The following LSAMP variants were observed in gnomAD, a reference collection of about 807,000 sequenced individuals.
LSAMP encodes the protein limbic system-associated membrane protein.
LSAMP carries 7 observed loss-of-function variants against 38.6 expected under a neutral mutation model. The ratio of observed to expected loss-of-function variants is 0.18; its 90% CI spans 0.10 to 0.34. The LOEUF (loss-of-function observed/expected upper bound fraction) is 0.34, where lower values mean the gene tolerates loss of function less well. Among genes scored for constraint, LSAMP ranks in the 10% least tolerant of loss-of-function variants. The pLI, the probability that LSAMP is intolerant of heterozygous loss-of-function variation, is 1.00. For missense variants in LSAMP, 313 were observed against 420.0 expected, an observed-to-expected ratio of 0.75 and a Z score of 2.23; for synonymous variants, 154 against 166.8, an observed-to-expected ratio of 0.92 and a Z score of 0.59.
chr3:116,369,327 G>A (rs1311796698), intron 1 of LSAMP, among the ~76,000 whole-genome samples: 1 of 152,176 alleles, frequency 6.6e-6, no homozygotes, highest in Non-Finnish European at 1.5e-5. Context: ...GAGAAAAAAT[G>A]TTATTTACAA....
chr3:115,972,414 G>T (rs9810860), intron 3 of LSAMP, among the ~76,000 whole-genome samples: 3,176 of 151,924 alleles, frequency 0.021, 93 homozygotes, highest in African/African-American at 0.07. Flanking sequence ...TAAGAAAAAA[G>T]ACATTTTTAT....
intron 1 of LSAMP, among the ~76,000 whole-genome samples, chr3:116,166,963 T>C (rs1011698613): frequency 3.3e-5 from 5 of 151,912 alleles, no homozygotes; most frequent in African/African-American, 1.2e-4. Context: ...GCTAATTTTT[T>C]TGTATTTTTA....
Position 115,842,499 on chromosome 3 carries a change from T to C in LSAMP, c.729A>G (p.Ala243=). 6.2e-7 allele frequency: 1 copy of C among 1,614,004 alleles called. No individual in the cohort carries two copies. Among genetic ancestry groups the C allele is most frequent in the Non-Finnish European group, 8.5e-7 (1 of 1,179,886 alleles). The change falls in exon 5 of 7, where the codon GCA becomes GCG. Residue 243 remains alanine, a synonymous_variant. Coordinates refer to ENST00000490035, the MANE Select transcript of LSAMP (RefSeq NM_002338.5). ...RQASLKCEAS[A]VPAPDFEWYR... ...ACCACTCAAAGTCAGGTGCAGGCACTGCCGAGGCCTCACATTTGAGTGAAG... is the reference window on the plus strand; with the variant it reads ...ACCACTCAAAGTCAGGTGCAGGCACCGCCGAGGCCTCACATTTGAGTGAAG...
intron 2 of LSAMP, among the ~76,000 whole-genome samples, chr3:116,079,188 A>G (rs775451663): frequency 2.0e-5 from 3 of 152,134 alleles, no homozygotes; most frequent in African/African-American, 4.8e-5. Context: ...ATTCTCTTCA[A>G]TGTAGCCAAG....
chr3:116,181,493 CTA>C (rs1710483837), intron 1 of LSAMP, among the ~76,000 whole-genome samples: 1 of 152,006 alleles, frequency 6.6e-6, no homozygotes, highest in African/African-American at 2.4e-5. Flanking sequence ...AAGTTTATGT[CTA>C]TAATGACTTA....
intron 3 of LSAMP, among the ~76,000 whole-genome samples, chr3:115,969,286 T>G (rs1413373086): frequency 6.6e-6 from 1 of 152,218 alleles, no homozygotes; most frequent in Non-Finnish European, 1.5e-5. Context: ...CATGTATGTT[T>G]AAGTATTCTT....
At chr3:115,892,828 T>A in intron 3 of LSAMP, among the ~76,000 whole-genome samples, 1 of 148,368 alleles carries the variant, frequency 6.7e-6, no homozygotes, top group East Asian at 2.0e-4. Context: ...TATACATCAA[T>A]TATATTATAT....
intron 1 of LSAMP, among the ~76,000 whole-genome samples, chr3:116,322,426 A>AT (rs1429449340): frequency 1.3e-5 from 2 of 152,278 alleles, no homozygotes; most frequent in East Asian, 1.9e-4. Context: ...TTAAAAATAG[A>AT]TTTTTTGGTT....
At chr3:116,373,400 G>A (rs1369619142) in intron 1 of LSAMP, among the ~76,000 whole-genome samples, 4 of 151,642 alleles carry the variant, frequency 2.6e-5, no homozygotes, top group African/African-American at 7.3e-5. Flanking sequence ...CGGAAAGTAG[G>A]ATGGTGGCTT....
At chr3:116,131,110 C>T (rs1419354626) in intron 1 of LSAMP, among the ~76,000 whole-genome samples, 1 of 151,718 alleles carries the variant, frequency 6.6e-6, no homozygotes, top group Non-Finnish European at 1.5e-5. Flanking sequence ...CCTGCCTCAG[C>T]CTCCCAAGTA....
At chr3:116,050,706 T>A (rs910595252) in intron 2 of LSAMP, among the ~76,000 whole-genome samples, 3 of 152,148 alleles carry the variant, frequency 2.0e-5, no homozygotes, top group African/African-American at 7.2e-5. Flanking sequence ...AAATAAAAGG[T>A]TTGGAGTCAG....
chr3:116,280,766 G>A (rs534317723), intron 1 of LSAMP, among the ~76,000 whole-genome samples: 2 of 152,316 alleles, frequency 1.3e-5, no homozygotes, highest in Admixed American at 6.5e-5. Flanking sequence ...ATGATTCTCA[G>A]TTTGTTCTTC....
chr3:116,382,403 G>A (rs2048571516), intron 1 of LSAMP, among the ~76,000 whole-genome samples: 1 of 148,076 alleles, frequency 6.8e-6, no homozygotes, highest in South Asian at 2.1e-4. Context: ...CTATCGCAAG[G>A]ACAAAAAACC....
At position 116,096,933 on chromosome 3, in the gene LSAMP, G is replaced by A. The variant is rs140129529; in HGVS notation, c.156-10377C>T. ...AACTAGAAATTCTCCTCTTTCCTCC[G>A]TATACAGTTGAGAGAGGATGAGAAA... On this transcript the variant is annotated intron_variant, in intron 1 of 6. Transcript: ENST00000490035. Among the ~76,000 whole-genome samples the A allele has an allele frequency of 2.1e-3, 312 of 152,172 alleles. 2 individuals are homozygous for A. The highest frequency in any genetic ancestry group is 6.9e-3 in the African/African-American group (288 of 41,518).
chr3:116,302,735 G>A (rs2047427376), intron 1 of LSAMP, among the ~76,000 whole-genome samples: 1 of 152,122 alleles, frequency 6.6e-6, no homozygotes, highest in Non-Finnish European at 1.5e-5. Context: ...TTTGTGCATG[G>A]AACACAGTAG....
intron 2 of LSAMP, among the ~76,000 whole-genome samples, chr3:116,035,916 G>A (rs1271670953): frequency 1.3e-5 from 2 of 152,214 alleles, no homozygotes; most frequent in Admixed American, 6.5e-5. Context: ...CTGTAGCCAA[G>A]AAAATGTTGG....
intron 3 of LSAMP, among the ~76,000 whole-genome samples, chr3:115,986,938 T>C (rs1939526836): frequency 6.6e-6 from 1 of 152,168 alleles, no homozygotes; most frequent in Middle Eastern, 3.2e-3. Flanking sequence ...ACAGATAGCT[T>C]ATCCTTTTAT....
chr3:116,001,127 A>G (rs1158124367), intron 3 of LSAMP, among the ~76,000 whole-genome samples: 4 of 152,148 alleles, frequency 2.6e-5, no homozygotes, highest in Non-Finnish European at 5.9e-5. Flanking sequence ...TGATGTTCAC[A>G]ATGATTACCC....
At chr3:116,139,307 A>C (rs931761438) in intron 1 of LSAMP, among the ~76,000 whole-genome samples, 1 of 152,006 alleles carries the variant, frequency 6.6e-6, no homozygotes, top group African/African-American at 2.4e-5. Context: ...TATTTTGATC[A>C]GAAGCTTTTA....
Sources: gnomAD v4.1 joint callset for allele counts (sites outside exome capture counted in the v4.1 genomes callset) on GRCh38, gnomAD v4.1.1 for gene constraint, MANE v1.5 for transcripts, NCBI Gene and HGNC (gene_info 2026-07-23, HGNC 2026-07-21) for gene names.